PRKCZ: variants seen among roughly 807,000 people sequenced by gnomAD.
PRKCZ encodes protein kinase C zeta.
Under a neutral mutation model 79.5 loss-of-function variants are expected in PRKCZ, and 33 were observed. That is an observed-to-expected ratio of 0.41 (90% CI 0.31 to 0.55). The LOEUF is 0.55. PRKCZ is among the 20% of genes least tolerant of loss of function. The pLI is 0.19. For missense variants in PRKCZ, 578 were observed against 813.5 expected, an observed-to-expected ratio of 0.71 and a Z score of 3.52; for synonymous variants, 342 against 320.9, an observed-to-expected ratio of 1.07 and a Z score of -0.70.
rs1684564270 is a variant in PRKCZ at position 2,172,183 on chromosome 1, T to C, written c.1190T>C (p.Met397Thr). The C allele has an allele frequency of 1.9e-6, 3 of 1,613,242 alleles. No homozygotes were observed. Among genetic ancestry groups the C allele is most frequent in the Non-Finnish European group, 2.5e-6 (3 of 1,179,930 alleles). The change falls in exon 12 of 18, where the codon ATG (methionine) becomes ACG (threonine). Residue 397 changes from methionine (M) to threonine (T), a missense_variant. Met to Thr is a moderately conservative substitution (Grantham distance 81). Coordinates refer to ENST00000378567, the MANE Select transcript of PRKCZ (RefSeq NM_002744.6). The surrounding 1 kb of genome is among the most constrained non-coding windows in gnomAD (Gnocchi z 7.8). ...CACATCAAGCTCACAGACTACGGCATGTGCAAGGTGCGTGCCTTGGACCGC... is the reference window on the plus strand; with the variant it reads ...CACATCAAGCTCACAGACTACGGCACGTGCAAGGTGCGTGCCTTGGACCGC... ...DGHIKLTDYG[M>T]CKEGLGPGDT...
intron 9 of PRKCZ, among the ~76,000 whole-genome samples, chr1:2,152,313 A>G (rs1680054991): frequency 6.6e-6 from 1 of 152,120 alleles, no homozygotes; most frequent in African/African-American, 2.4e-5. Flanking sequence ...CAGGTGGATT[A>G]CCTGAGGTCA....
intron 10 of PRKCZ, among the ~76,000 whole-genome samples, chr1:2,164,959 G>T (rs374555180): frequency 4.6e-5 from 7 of 152,302 alleles, no homozygotes; most frequent in African/African-American, 1.7e-4. Context: ...AAGGTGAGGG[G>T]CTGCCTCCCA....
chr1:2,118,085 C>T (rs1212839018), intron 4 of PRKCZ, among the ~76,000 whole-genome samples: 3 of 142,720 alleles, frequency 2.1e-5, no homozygotes, highest in African/African-American at 7.9e-5. Flanking sequence ...CAACCTCCGC[C>T]TCCCTGGTTC....
rs1680967677 is a variant in PRKCZ at position 2,155,992 on chromosome 1, C to T, written c.877-3C>T. 3.7e-6 allele frequency: 6 copies of T among 1,613,354 alleles called. No individual in the cohort carries two copies. Among genetic ancestry groups the T allele is most frequent in the African/African-American group, 1.3e-5 (1 of 75,022 alleles). ...CATTACCACTCCCTGGTTTCTATTT[C>T]AGGATATTGACTGGGTACAGACAGA... is the stretch of plus-strand genomic sequence containing the variant. On this transcript the variant is annotated splice_polypyrimidine_tract_variant and splice_region_variant and intron_variant, in intron 9 of 17. Transcript: ENST00000378567.
chr1:2,160,730 A>G (rs1271902141), intron 10 of PRKCZ, among the ~76,000 whole-genome samples: 3 of 151,994 alleles, frequency 2.0e-5, no homozygotes, highest in Admixed American at 6.5e-5. Flanking sequence ...GCCTGTCCCC[A>G]TGTGGGGGAG....
At chr1:2,100,514 G>A (rs1210555017) in intron 4 of PRKCZ, among the ~76,000 whole-genome samples, 1 of 152,194 alleles carries the variant, frequency 6.6e-6, no homozygotes, top group Non-Finnish European at 1.5e-5. Flanking sequence ...GGCTCTCAGG[G>A]GCCAGCTCCC....
At chr1:2,144,668 G>A (rs759854978) in intron 6 of PRKCZ, 129 of 1,107,638 alleles carry the variant, frequency 1.2e-4, no homozygotes, top group Non-Finnish European at 1.4e-4. Context: ...AAGGACTGTG[G>A]AGGTGAAAGC....
chr1:2,070,077 A>G (rs993109188), intron 4 of PRKCZ, among the ~76,000 whole-genome samples: 21 of 152,122 alleles, frequency 1.4e-4, no homozygotes, highest in African/African-American at 4.8e-4. Flanking sequence ...AGGAAATACA[A>G]AGTCCGCTGG....
intron 4 of PRKCZ, among the ~76,000 whole-genome samples, chr1:2,086,136 A>T (rs373767389): frequency 6.8e-6 from 1 of 147,844 alleles, no homozygotes; most frequent in Non-Finnish European, 1.5e-5. Flanking sequence ...ATCTTGGCTC[A>T]CTGCAACCTC....
intron 4 of PRKCZ, among the ~76,000 whole-genome samples, chr1:2,079,824 C>T (rs549291720): frequency 1.3e-5 from 2 of 152,284 alleles, no homozygotes; most frequent in Non-Finnish European, 2.9e-5. Flanking sequence ...TTTGTCTGCC[C>T]ACATTGACTC....
intron 4 of PRKCZ, among the ~76,000 whole-genome samples, chr1:2,107,947 C>T (rs1668906586): frequency 6.6e-6 from 1 of 151,702 alleles, no homozygotes; most frequent in African/African-American, 2.4e-5. Flanking sequence ...TCAAGGGAGC[C>T]CCTGGCAGTG....
intron 4 of PRKCZ, among the ~76,000 whole-genome samples, chr1:2,099,657 A>G (rs938786599): frequency 1.3e-5 from 2 of 152,038 alleles, no homozygotes; most frequent in Non-Finnish European, 2.9e-5. Context: ...GTGCCCAGGC[A>G]TTGACAGAGG....
chr1:2,062,364 TAGTGGCTTTCACCCG>T (rs1443002936), intron 4 of PRKCZ, among the ~76,000 whole-genome samples: 1 of 152,180 alleles, frequency 6.6e-6, no homozygotes, highest in Non-Finnish European at 1.5e-5. Context: ...CTTTTGCCTC[TAGTGGCTTTCACCCG>T]CCTGACCTTT....
chr1:2,162,231 G>A (rs1292103391), intron 10 of PRKCZ, among the ~76,000 whole-genome samples: 6 of 152,156 alleles, frequency 3.9e-5, no homozygotes, highest in Admixed American at 6.6e-5. Context: ...CCCTGGGTTC[G>A]AGGAATTCTC....
chr1:2,167,899 C>T (rs564028116), intron 10 of PRKCZ, among the ~76,000 whole-genome samples: 10 of 152,278 alleles, frequency 6.6e-5, no homozygotes, highest in South Asian at 6.2e-4. Context: ...TGAGCCACCA[C>T]GCCCAGGCAC....
intron 10 of PRKCZ, chr1:2,169,134 A>G (rs754594082): frequency 8.7e-6 from 4 of 457,872 alleles, no homozygotes; most frequent in Non-Finnish European, 1.3e-5. Flanking sequence ...TCCCCATGCA[A>G]GAAACTGCCT....
chr1:2,065,550 G>T (rs1179251690), intron 4 of PRKCZ, among the ~76,000 whole-genome samples: 1 of 152,072 alleles, frequency 6.6e-6, no homozygotes, highest in South Asian at 2.1e-4. Context: ...GTGGTTGCAG[G>T]CGCCTGTAGT....
Position 2,094,901 on chromosome 1 carries a change from C to G in PRKCZ, c.334+35310C>G, listed in dbSNP as rs1354156477. Among the ~76,000 whole-genome samples the G allele has an allele frequency of 6.6e-6, 1 of 152,200 alleles. No homozygotes were observed. The highest frequency in any genetic ancestry group is 1.9e-4 in the East Asian group (1 of 5,198). ...CTGGTTTTGGCCCTCTCTCTCCTGC[C>G]TATAAAAAGCCCTGCCCTGGGTTCC... On this transcript the variant is annotated intron_variant, in intron 4 of 17. Transcript: ENST00000378567. This position sits in a 1 kb window ranked among gnomAD's most constrained non-coding sequence, Gnocchi z 7.3.
rs996909132 is a variant in PRKCZ at position 2,178,060 on chromosome 1, C to T, written c.1575+2747C>T. On this transcript the variant is annotated intron_variant, in intron 16 of 17. Transcript: ENST00000378567. This position sits in a 1 kb window ranked among gnomAD's most constrained non-coding sequence, Gnocchi z 4.3. Reference sequence around the variant, plus strand: ...GTTGGTGTGGGGTCACCACCACCCCCATGTGACCTTGGCAGAAGGAAGGTC... The same window carrying T: ...GTTGGTGTGGGGTCACCACCACCCCTATGTGACCTTGGCAGAAGGAAGGTC... 6.6e-6 allele frequency among the ~76,000 whole-genome samples: 1 copy of T among 152,230 alleles called. No homozygotes were observed. The highest frequency in any genetic ancestry group is 2.4e-5 in the African/African-American group (1 of 41,464).
Sources: gnomAD v4.1 joint callset for allele counts (sites outside exome capture counted in the v4.1 genomes callset) on GRCh38, gnomAD v4.1.1 for gene constraint, Gnocchi (gnomAD v3.1) non-coding constraint, MANE v1.5 for transcripts, NCBI Gene and HGNC (gene_info 2026-07-23, HGNC 2026-07-21) for gene names.